The following HPSE2 variants were observed in gnomAD, a reference collection of about 807,000 sequenced individuals.
HPSE2 encodes the protein inactive heparanase-2.
In HPSE2, 38 loss-of-function variants were observed where a neutral mutation model predicts 60.5. The ratio of observed to expected loss-of-function variants is 0.63; its 90% confidence interval spans 0.48 to 0.82. The LOEUF (loss-of-function observed/expected upper bound fraction) is 0.82, where lower values mean the gene tolerates loss of function less well. HPSE2 is among the 40% of genes least tolerant of loss of function. The probability of loss-of-function intolerance (pLI) is 0.00; values close to 1 mark genes in which losing one functional copy is unlikely to be tolerated. For missense variants in HPSE2, 713 were observed against 740.4 expected (o/e 0.96, Z 0.43); for synonymous variants, 295 against 293.2 (o/e 1.01, Z -0.06).
chr10:99,115,053 T>C (rs73329925), intron 3 of HPSE2, among the ~76,000 whole-genome samples: 1,715 of 151,812 alleles, frequency 0.011, 35 homozygotes, highest in African/African-American at 0.039. Context: ...AGGAACATAG[T>C]TGGCCGTTAA....
intron 4 of HPSE2, among the ~76,000 whole-genome samples, chr10:98,736,857 T>C: frequency 6.6e-6 from 1 of 152,222 alleles, no homozygotes; most frequent in South Asian, 2.1e-4. Context: ...CAAGGATTCC[T>C]CCAACTCCCA....
chr10:99,202,264 A>C lies in HPSE2; in HGVS notation c.448+30084T>G, dbSNP rs186794629. Among the ~76,000 whole-genome samples, 619 of 152,324 alleles carry C rather than the reference A, an allele frequency of 4.1e-3. 11 individuals are homozygous for C. The highest frequency in any genetic ancestry group is 2.3e-3 in the South Asian group (11 of 4,830). Reference sequence around the variant, plus strand: ...TGAAATGCAGAGCAAATCCTCAGGCATCATTATTTGATACTAAGAGGATCG... The same window carrying C: ...TGAAATGCAGAGCAAATCCTCAGGCCTCATTATTTGATACTAAGAGGATCG... On this transcript the variant is annotated intron_variant, in intron 2 of 11. Transcript: ENST00000370552.
chr10:98,710,079 T>C (rs1948639361), intron 5 of HPSE2, among the ~76,000 whole-genome samples: 1 of 152,200 alleles, frequency 6.6e-6, no homozygotes, highest in Non-Finnish European at 1.5e-5. Context: ...GAGAAAATAA[T>C]TCATCCTGAG....
At chr10:98,918,748 G>A (rs1030326743) in intron 3 of HPSE2, among the ~76,000 whole-genome samples, 1 of 148,758 alleles carries the variant, frequency 6.7e-6, no homozygotes, top group African/African-American at 2.5e-5. Flanking sequence ...GTTAATGGGT[G>A]CAGCACACCA....
intron 2 of HPSE2, among the ~76,000 whole-genome samples, chr10:99,194,822 C>G (rs775512778): frequency 1.3e-5 from 2 of 151,982 alleles, no homozygotes; most frequent in African/African-American, 2.4e-5. Context: ...TAAAGAAGAA[C>G]TATTACCAAA....
chr10:99,073,939 G>GTTTT (rs34409713), intron 3 of HPSE2, among the ~76,000 whole-genome samples: 1 of 127,900 alleles, frequency 7.8e-6, no homozygotes, highest in South Asian at 2.5e-4. Context: ...AGTTCCAAAA[G>GTTTT]TTTTTTTTTT....
At chr10:98,942,681 C>T (rs1401929937) in intron 3 of HPSE2, among the ~76,000 whole-genome samples, 1 of 152,102 alleles carries the variant, frequency 6.6e-6, no homozygotes, top group East Asian at 1.9e-4. Flanking sequence ...GGCGATTCCT[C>T]AGGGATCTGG....
the HPSE2 span, among the ~76,000 whole-genome samples, chr10:99,267,274 A>G: frequency 1.3e-5 from 2 of 152,092 alleles, no homozygotes; most frequent in African/African-American, 4.8e-5. Context: ...TCAGTGAAAT[A>G]GCATAAATAA....
chr10:98,873,884 G>T (rs1009205676), intron 3 of HPSE2, among the ~76,000 whole-genome samples: 2 of 151,786 alleles, frequency 1.3e-5, no homozygotes, highest in African/African-American at 4.8e-5. Context: ...ATCTATTCTT[G>T]ACTTTTTAAT....
chr10:98,502,519 C>T (rs1190864838), intron 9 of HPSE2, among the ~76,000 whole-genome samples: 1 of 152,188 alleles, frequency 6.6e-6, no homozygotes, highest in Non-Finnish European at 1.5e-5. Flanking sequence ...GAAACTGGAT[C>T]CTCATCTCTC....
chr10:99,043,750 C>A (rs536013582), intron 3 of HPSE2, among the ~76,000 whole-genome samples: 6 of 151,918 alleles, frequency 3.9e-5, no homozygotes, highest in African/African-American at 1.5e-4. Context: ...GTAGAATAGA[C>A]CAAACTGAGG....
At chr10:99,028,429 G>A (rs900432710) in intron 3 of HPSE2, among the ~76,000 whole-genome samples, 1 of 151,998 alleles carries the variant, frequency 6.6e-6, no homozygotes, top group Non-Finnish European at 1.5e-5. Flanking sequence ...ATTAACCAAA[G>A]AAGTGAAAGA....
chr10:98,816,951 T>C (rs935060554), intron 3 of HPSE2, among the ~76,000 whole-genome samples: 2 of 152,170 alleles, frequency 1.3e-5, no homozygotes, highest in African/African-American at 4.8e-5. Flanking sequence ...TCTAGTGGAC[T>C]GGCTTCTTTG....
rs534442255 is a variant in HPSE2, at chr10:99,159,234, T to C, written c.449-14835A>G. On this transcript the variant is annotated intron_variant, in intron 2 of 11. Transcript: ENST00000370552. ...ACAAAATATTGATTATTTGAAAAGATTAATACAACTGAAAAACCTTGAGCT... is the reference window on the plus strand; with the variant it reads ...ACAAAATATTGATTATTTGAAAAGACTAATACAACTGAAAAACCTTGAGCT... Among the ~76,000 whole-genome samples the C allele has an allele frequency of 1.7e-3, 264 of 152,082 alleles. 2 individuals are homozygous for C. Among genetic ancestry groups the C allele is most frequent in the African/African-American group, 6.2e-3 (256 of 41,500 alleles).
At chr10:98,775,729 G>A (rs987674740) in intron 3 of HPSE2, among the ~76,000 whole-genome samples, 8 of 152,004 alleles carry the variant, frequency 5.3e-5, no homozygotes, top group South Asian at 2.1e-4. Context: ...ATTGTAGTCC[G>A]AAATTTAAAT....
intron 3 of HPSE2, among the ~76,000 whole-genome samples, chr10:99,118,479 C>A (rs987486262): frequency 1.4e-5 from 2 of 147,910 alleles, no homozygotes; most frequent in Non-Finnish European, 3.0e-5. Context: ...GCTGAGATCA[C>A]GCCACTGCAC....
chr10:98,686,998 G>C (rs1203775917), intron 6 of HPSE2, among the ~76,000 whole-genome samples: 1 of 152,110 alleles, frequency 6.6e-6, no homozygotes, highest in African/African-American at 2.4e-5. Context: ...GTTAATTACT[G>C]AAAGAAGTGT....
chr10:99,192,869 T>A (rs1182376153), intron 2 of HPSE2, among the ~76,000 whole-genome samples: 1 of 152,122 alleles, frequency 6.6e-6, no homozygotes, highest in African/African-American at 2.4e-5. Flanking sequence ...ATACCAGACC[T>A]GTCCTACAAG....
intron 9 of HPSE2, among the ~76,000 whole-genome samples, chr10:98,561,010 T>A (rs1290839366): frequency 2.0e-5 from 3 of 152,216 alleles, no homozygotes; most frequent in Non-Finnish European, 4.4e-5. Context: ...TTACTCCTTT[T>A]ACTTATTAAA....
Sources: gnomAD v4.1 joint callset for allele counts (sites outside exome capture counted in the v4.1 genomes callset) on GRCh38, gnomAD v4.1.1 for gene constraint, MANE v1.5 for transcripts, NCBI Gene and HGNC (gene_info 2026-07-23, HGNC 2026-07-21) for gene names.